Variants in CNKSR2 observed in about 807,000 individuals in gnomAD.
CNKSR2 encodes connector enhancer of kinase suppressor of Ras 2, also known as CNK homolog protein 2.
In CNKSR2, 14 loss-of-function variants were observed where a neutral mutation model predicts 84.4. The observed-to-expected ratio is 0.17, with a 90% CI of 0.11 to 0.26. The LOEUF (loss-of-function observed/expected upper bound fraction) is 0.26. Ranked by LOEUF, CNKSR2 falls within the 10% of genes least tolerant of loss-of-function variation. CNKSR2 has a pLI of 1.00. For missense variants in CNKSR2, 485 were observed against 771.2 expected (o/e 0.63, Z 4.40); for synonymous variants, 275 against 277.9 (o/e 0.99, Z 0.10).
intron 4 of CNKSR2, among the ~76,000 whole-genome samples, chrX:21,456,049 T>A (rs954597491): frequency 1.6e-4 from 18 of 111,579 alleles, no homozygotes; most frequent in African/African-American, 5.5e-4. Flanking sequence ...AGCTACTAAT[T>A]TATATTTTTC....
intron 4 of CNKSR2, among the ~76,000 whole-genome samples, chrX:21,452,346 C>G (rs964934189): frequency 2.7e-5 from 3 of 111,465 alleles, no homozygotes; most frequent in African/African-American, 9.8e-5. Flanking sequence ...CCTGCGTAGG[C>G]CTCCCAAAGT....
At chrX:21,414,433 T>A (rs1426965404) in intron 1 of CNKSR2, among the ~76,000 whole-genome samples, 1 of 110,422 alleles carries the variant, frequency 9.1e-6, no homozygotes, top group Non-Finnish European at 1.9e-5. Context: ...TTTTTTTTCC[T>A]ATGGAGTTGT....
intron 8 of CNKSR2, chrX:21,504,063 T>G (rs1342297269): frequency 9.0e-6 from 1 of 111,123 alleles, no homozygotes; most frequent in African/African-American, 3.3e-5. Context: ...GGTTTTTTTG[T>G]GTTCAAGTAG....
intron 21 of CNKSR2, 48 bp downstream of exon 21, chrX:21,649,075 T>A: frequency 1.1e-6 from 1 of 937,183 alleles, no homozygotes; most frequent in Non-Finnish European, 1.5e-6. Flanking sequence ...GATTCATTCT[T>A]AAAGTGGATT....
intron 4 of CNKSR2, among the ~76,000 whole-genome samples, chrX:21,444,407 A>T (rs1351253122): frequency 9.0e-6 from 1 of 111,604 alleles, no homozygotes; most frequent in East Asian, 2.8e-4. Context: ...GGGCACTGAC[A>T]TGAAGTAGAT....
intron 20 of CNKSR2, chrX:21,641,676 A>G (rs1202134286): frequency 9.0e-7 from 1 of 1,113,066 alleles, no homozygotes; most frequent in African/African-American, 1.8e-5. Context: ...CGCAGACTCA[A>G]CATCAACCTC....
At chrX:21,576,358 C>G (rs1246716841) in intron 13 of CNKSR2, among the ~76,000 whole-genome samples, 1 of 111,298 alleles carries the variant, frequency 9.0e-6, no homozygotes, top group Non-Finnish European at 1.9e-5. Context: ...GAAAATGAAG[C>G]TGAGTGAAAA....
chrX:21,395,277 A>G (rs939798308), intron 1 of CNKSR2, among the ~76,000 whole-genome samples: 1 of 111,829 alleles, frequency 8.9e-6, no homozygotes, highest in Admixed American at 9.5e-5. Flanking sequence ...AAAATACACA[A>G]ATTTATTAAG....
At chrX:21,610,434 C>T (rs1245522312) in intron 20 of CNKSR2, among the ~76,000 whole-genome samples, 1 of 112,398 alleles carries the variant, frequency 8.9e-6, no homozygotes, top group Non-Finnish European at 1.9e-5. Context: ...AAGGCTGTAA[C>T]TCAGTTATTT....
chrX:21,526,826 T>C, intron 9 of CNKSR2, 41 bp from the exon 10 acceptor site: 1 of 1,097,477 alleles, frequency 9.1e-7, no homozygotes, highest in Non-Finnish European at 1.2e-6. Context: ...GTTTTGTGTG[T>C]TGTTTGTGTG....
intron 1 of CNKSR2, among the ~76,000 whole-genome samples, chrX:21,400,399 A>G (rs1265773408): frequency 1.8e-5 from 2 of 110,776 alleles, no homozygotes; most frequent in African/African-American, 6.5e-5. Context: ...GAAATGTAGA[A>G]CTCCACATAA....
chrX:21,406,134 A>G lies in CNKSR2; in HGVS notation c.65-20363A>G, dbSNP rs1240150776. ...CACTACAGTCTGAGTTCTGCCTCCTATCAGATGACCGGTGCCATTTTAGAT... is the reference window on the plus strand; with the variant it reads ...CACTACAGTCTGAGTTCTGCCTCCTGTCAGATGACCGGTGCCATTTTAGAT... On this transcript the variant is annotated intron_variant, in intron 1 of 21. Transcript: ENST00000379510. Among the ~76,000 whole-genome samples the G allele has an allele frequency of 3.6e-5, 4 of 111,332 alleles. No homozygotes were observed. The East Asian group carries it at 8.5e-4, about 24-fold the overall frequency.
chrX:21,652,561 TCTGAACA>T lies in CNKSR2; in HGVS notation c.*41_*47del. ...CAGACCATCTAGTACCTGCTGGTAC[TCTGAACA>T]AGTATATAAGGTAGTTTTTATATCA... On this transcript the variant is annotated 3_prime_UTR_variant, in exon 22 of 22. Transcript: ENST00000379510. The T allele has an allele frequency of 2.0e-6, 2 of 1,011,752 alleles. No individual in the cohort carries two copies. The highest frequency in any genetic ancestry group is 2.8e-6 in the Non-Finnish European group (2 of 718,047). The allele number at this position is 1,011,752 out of a possible 1,213,427, so 83.4% of individuals were successfully genotyped here. A position where few individuals can be genotyped will look rare whatever the true frequency, so the allele number is the denominator to read the frequency against.
At chrX:21,526,067 G>GTAC (rs2034410532) in intron 9 of CNKSR2, among the ~76,000 whole-genome samples, 1 of 110,618 alleles carries the variant, frequency 9.0e-6, no homozygotes, top group Non-Finnish European at 1.9e-5. Context: ...GCATCCTCAT[G>GTAC]TACTGTTTAA....
chrX:21,513,333 A>G (rs1288164827), intron 8 of CNKSR2, among the ~76,000 whole-genome samples: 1 of 111,905 alleles, frequency 8.9e-6, no homozygotes, highest in Non-Finnish European at 1.9e-5. Flanking sequence ...ACAGGTAGGC[A>G]GAGATGTAAC....
chrX:21,396,668 A>T (rs955954529), intron 1 of CNKSR2, among the ~76,000 whole-genome samples: 1 of 112,002 alleles, frequency 8.9e-6, no homozygotes, highest in Non-Finnish European at 1.9e-5. Flanking sequence ...TGTTCTCTGC[A>T]CAATCTATGA....
intron 17 of CNKSR2, among the ~76,000 whole-genome samples, chrX:21,600,022 T>G (rs891096336): frequency 2.7e-5 from 3 of 112,016 alleles, no homozygotes; most frequent in Admixed American, 9.5e-5. Context: ...TCTACTCCAG[T>G]CTTTTCTTCA....
intron 11 of CNKSR2, among the ~76,000 whole-genome samples, chrX:21,544,512 G>A (rs974416665): frequency 8.9e-6 from 1 of 111,873 alleles, no homozygotes; most frequent in Non-Finnish European, 1.9e-5. Flanking sequence ...TTAAACCTAG[G>A]AAGAAAAGAT....
intron 8 of CNKSR2, chrX:21,505,964 A>G (rs972994563): frequency 9.2e-6 from 1 of 108,979 alleles, no homozygotes; most frequent in Non-Finnish European, 1.9e-5. Context: ...TCACTGGACT[A>G]TTTCTCCTCC....
Sources: allele counts gnomAD v4.1 joint callset (sites outside exome capture counted in the v4.1 genomes callset), GRCh38; gene constraint gnomAD v4.1.1; transcripts MANE v1.5; gene names NCBI Gene and HGNC (gene_info 2026-07-23, HGNC 2026-07-21).